RB1: variants seen among roughly 807,000 people sequenced by gnomAD.
The protein encoded by RB1 is RB transcriptional corepressor 1.
Under a neutral mutation model 135.4 loss-of-function variants are expected in RB1, and 18 were observed. The observed-to-expected ratio is 0.13, with a 90% CI of 0.09 to 0.20. The LOEUF is 0.20. Ranked by LOEUF, RB1 falls within the 10% of genes least tolerant of loss-of-function variation. The pLI is 1.00. For missense variants in RB1, 868 were observed against 1,110.0 expected (o/e 0.78, Z 3.10); for synonymous variants, 365 against 373.2 (o/e 0.98, Z 0.25).
At chr13:48,358,371 GAGT>G (rs1952610876) in intron 6 of RB1, among the ~76,000 whole-genome samples, 1 of 152,026 alleles carries the variant, frequency 6.6e-6, no homozygotes, top group Non-Finnish European at 1.5e-5. Context: ...GATTTAATGT[GAGT>G]GAATATCCCT....
At chr13:48,477,186 A>G (rs1162759711) in intron 25 of RB1, among the ~76,000 whole-genome samples, 169 bp from the exon 26 acceptor site, 1 of 152,152 alleles carries the variant, frequency 6.6e-6, no homozygotes, top group Non-Finnish European at 1.5e-5. Flanking sequence ...TAGCATCATA[A>G]ATTTGTGACA....
At chr13:48,412,434 C>T (rs373712773) in intron 17 of RB1, 10 of 1,605,998 alleles carry the variant, frequency 6.2e-6, no homozygotes, top group Middle Eastern at 1.6e-4. Context: ...CGTAAAGGCA[C>T]GTCCAATTTT....
At chr13:48,379,818 G>T (rs138339889) in intron 14 of RB1, among the ~76,000 whole-genome samples, 168 bp downstream of exon 14, 139 of 151,732 alleles carry the variant, frequency 9.2e-4, no homozygotes, top group Middle Eastern at 3.4e-3. Flanking sequence ...AAATTAGCTG[G>T]GCGTGGTGGT....
At chr13:48,322,806 G>T (rs931210527) in intron 2 of RB1, among the ~76,000 whole-genome samples, 1 of 152,118 alleles carries the variant, frequency 6.6e-6, no homozygotes, top group East Asian at 1.9e-4. Context: ...TATTGAAATG[G>T]TGTAGTATAT....
intron 4 of RB1, among the ~76,000 whole-genome samples, chr13:48,346,497 G>A (rs1408911476): frequency 1.3e-5 from 2 of 149,202 alleles, no homozygotes; most frequent in African/African-American, 4.9e-5. Context: ...ATTCATATCT[G>A]GTAGCTTATT....
intron 19 of RB1, among the ~76,000 whole-genome samples, chr13:48,458,036 G>C (rs1299079136): frequency 6.6e-6 from 1 of 152,224 alleles, no homozygotes; most frequent in African/African-American, 2.4e-5. Context: ...GGGATGCCTG[G>C]GTCCGCAGCG....
At chr13:48,424,840 G>A (rs1949056869) in intron 17 of RB1, among the ~76,000 whole-genome samples, 1 of 152,084 alleles carries the variant, frequency 6.6e-6, no homozygotes, top group South Asian at 2.1e-4. Context: ...ACCTCTTGAG[G>A]TCAGGAGTTT....
chr13:48,401,096 A>G (rs1314068223), intron 17 of RB1, among the ~76,000 whole-genome samples: 1 of 152,124 alleles, frequency 6.6e-6, no homozygotes, highest in Non-Finnish European at 1.5e-5. Flanking sequence ...GTCAGTAATT[A>G]CCCTGAGGGT....
At chr13:48,355,603 A>G (rs759897215) in intron 6 of RB1, among the ~76,000 whole-genome samples, 35 of 152,170 alleles carry the variant, frequency 2.3e-4, no homozygotes, top group Non-Finnish European at 3.5e-4. Flanking sequence ...AGTATATCAA[A>G]GAGGTATCTG....
chr13:48,337,396 GTTC>G (rs771199313), intron 2 of RB1, among the ~76,000 whole-genome samples: 16 of 152,206 alleles, frequency 1.1e-4, no homozygotes, highest in South Asian at 2.1e-4. Flanking sequence ...AGGATAGTTA[GTTC>G]TTCTTGTTGA....
chr13:48,420,723 A>G (rs918175322), intron 17 of RB1, among the ~76,000 whole-genome samples: 27 of 152,214 alleles, frequency 1.8e-4, no homozygotes, highest in African/African-American at 6.0e-4. Flanking sequence ...AGAAATCACA[A>G]GTATTCCTAT....
At chr13:48,465,969 C>T (rs198591) in intron 23 of RB1, among the ~76,000 whole-genome samples, 112,978 of 143,214 alleles carry the variant, frequency 0.79, 50,194 homozygotes, top group East Asian at 0.98. Flanking sequence ...AAGGCGGCAG[C>T]GAGGCTGGGG....
chr13:48,451,687 A>T (rs1949327916), intron 17 of RB1, among the ~76,000 whole-genome samples: 2 of 150,976 alleles, frequency 1.3e-5, no homozygotes, highest in Admixed American at 6.6e-5. Context: ...TAGTTTCAGT[A>T]GAAATTTGTA....
intron 17 of RB1, among the ~76,000 whole-genome samples, chr13:48,403,949 C>T (rs546174704): frequency 3.3e-5 from 5 of 152,014 alleles, no homozygotes; most frequent in African/African-American, 9.7e-5. Flanking sequence ...TGCAGGGAGC[C>T]GTGACTGCAC....
At chr13:48,357,572 T>C (rs1952603717) in intron 6 of RB1, among the ~76,000 whole-genome samples, 1 of 152,092 alleles carries the variant, frequency 6.6e-6, no homozygotes, top group Admixed American at 6.6e-5. Flanking sequence ...CAATTGCTAG[T>C]GGCTTCCCGG....
chr13:48,453,601 C>G (rs1439710864), intron 18 of RB1, among the ~76,000 whole-genome samples: 1 of 152,124 alleles, frequency 6.6e-6, no homozygotes, highest in East Asian at 1.9e-4. Context: ...AATGTAAACC[C>G]AAATGTATCT....
chr13:48,352,435 A>T (rs1428977341), intron 6 of RB1, among the ~76,000 whole-genome samples: 1 of 151,272 alleles, frequency 6.6e-6, no homozygotes, highest in African/African-American at 2.4e-5. Flanking sequence ...TGAATCTGTA[A>T]TTTTTTTGGG....
At chr13:48,355,482 A>C (rs1409194627) in intron 6 of RB1, among the ~76,000 whole-genome samples, 2 of 152,160 alleles carry the variant, frequency 1.3e-5, no homozygotes, top group Non-Finnish European at 2.9e-5. Flanking sequence ...AATGTAAATT[A>C]GTACAACTAC....
rs139827848 is a variant in RB1 at position 48,354,677 on chromosome 13, G to A, written c.608-5340G>A. On this transcript the variant is annotated intron_variant, in intron 6 of 26. Coordinates refer to ENST00000267163, the MANE Select transcript of RB1 (RefSeq NM_000321.3). ...TTGCTTGACTTCAAATTATACTACA[G>A]AGCTATAGTAACCAAAACAGCATGG... Among the ~76,000 whole-genome samples, 874 of 151,968 alleles carry A rather than the reference G, an allele frequency of 5.8e-3. 4 individuals carry two copies. Among genetic ancestry groups the A allele is most frequent in the Non-Finnish European group, 7.3e-3 (497 of 67,852 alleles).
Sources: allele counts gnomAD v4.1 joint callset (sites outside exome capture counted in the v4.1 genomes callset), GRCh38; gene constraint gnomAD v4.1.1; transcripts MANE v1.5; gene names NCBI Gene and HGNC (gene_info 2026-07-23, HGNC 2026-07-21).